MICAL2: variants seen among roughly 807,000 people sequenced by gnomAD.
MICAL2 encodes microtubule associated monooxygenase, calponin and LIM domain containing 2.
In MICAL2, 77 loss-of-function variants were observed where a neutral mutation model predicts 127.3. The ratio of observed to expected loss-of-function variants is 0.60; its 90% CI spans 0.50 to 0.73. The LOEUF (loss-of-function observed/expected upper bound fraction) is 0.73. MICAL2 is among the 30% of genes least tolerant of loss of function. The probability of loss-of-function intolerance (pLI) is 0.00; values close to 1 mark genes in which losing one functional copy is unlikely to be tolerated. For synonymous variants in MICAL2, 570 were observed against 551.1 expected (o/e 1.03, Z -0.48); for missense variants, 1,351 against 1,434.4 (o/e 0.94, Z 0.94).
At chr11:12,244,497 C>A (rs1306080111) in intron 21 of MICAL2, among the ~76,000 whole-genome samples, 2 of 152,198 alleles carry the variant, frequency 1.3e-5, no homozygotes, top group Admixed American at 1.3e-4. Context: ...TCACATACTG[C>A]TGATATTTGC....
At chr11:12,321,209 T>C (rs1394437799) in intron 30 of MICAL2, among the ~76,000 whole-genome samples, 1 of 152,116 alleles carries the variant, frequency 6.6e-6, no homozygotes, top group Non-Finnish European at 1.5e-5. Flanking sequence ...GCATGCCCGC[T>C]TCACCTGGCT....
chr11:12,338,333 T>C (rs1385641785), intron 32 of MICAL2, among the ~76,000 whole-genome samples: 1 of 152,224 alleles, frequency 6.6e-6, no homozygotes, highest in East Asian at 1.9e-4. Context: ...CCCTTTATTT[T>C]GAGCCTATGT....
At chr11:12,209,733 C>T in intron 6 of MICAL2, 135 bp downstream of exon 6, 4 of 742,954 alleles carry the variant, frequency 5.4e-6, no homozygotes, top group Admixed American at 4.2e-5. Context: ...GCAGACCATC[C>T]TGTCCCTCTT....
At chr11:12,265,934 G>A (rs767718308), downstream of MICAL2, among the ~76,000 whole-genome samples, 3 of 151,978 alleles carry the variant, frequency 2.0e-5, no homozygotes, top group Non-Finnish European at 4.4e-5. Flanking sequence ...TGACCAACAC[G>A]ACAAAACCCT....
At chr11:12,328,567 C>A (rs1205665485) in intron 32 of MICAL2, among the ~76,000 whole-genome samples, 2 of 152,056 alleles carry the variant, frequency 1.3e-5, no homozygotes, top group Non-Finnish European at 2.9e-5. Context: ...CTTAAAGAAA[C>A]CTACATTTTC....
downstream of MICAL2, among the ~76,000 whole-genome samples, chr11:12,295,273 G>A (rs937396773): frequency 6.6e-6 from 1 of 151,610 alleles, no homozygotes; most frequent in Non-Finnish European, 1.5e-5. Flanking sequence ...CCAAGTAGCT[G>A]GGATTACAGA....
intron 29 of MICAL2, among the ~76,000 whole-genome samples, chr11:12,304,837 T>C (rs769513059): frequency 6.6e-6 from 1 of 152,228 alleles, no homozygotes; most frequent in Non-Finnish European, 1.5e-5. Flanking sequence ...TGTGGTTTTA[T>C]AATAAATCGT....
chr11:12,185,972 G>A (rs925592677), intron 3 of MICAL2, among the ~76,000 whole-genome samples: 3 of 152,252 alleles, frequency 2.0e-5, no homozygotes, highest in Admixed American at 6.5e-5. Context: ...CAGCAAAGGA[G>A]TCATGGAACT....
intron 2 of MICAL2, among the ~76,000 whole-genome samples, chr11:12,154,297 A>C (rs1278212987): frequency 6.6e-6 from 1 of 152,160 alleles, no homozygotes; most frequent in African/African-American, 2.4e-5. Flanking sequence ...GTAGCCACAC[A>C]AGGGCCCAGG....
At chr11:12,236,905 G>T (rs954107629) in intron 16 of MICAL2, among the ~76,000 whole-genome samples, 2 of 152,204 alleles carry the variant, frequency 1.3e-5, no homozygotes, top group Admixed American at 1.3e-4. Context: ...CGAAGTGTGG[G>T]ATGCCAGCTT....
chr11:12,353,471 C>T (rs1939084992), intron 33 of MICAL2, among the ~76,000 whole-genome samples: 1 of 151,000 alleles, frequency 6.6e-6, no homozygotes, highest in African/African-American at 2.5e-5. Flanking sequence ...GTTTCTTTAT[C>T]TATAGCCTTC....
At chr11:12,318,755 G>T (rs1242738641) in intron 29 of MICAL2, among the ~76,000 whole-genome samples, 6 of 152,194 alleles carry the variant, frequency 3.9e-5, no homozygotes, top group Admixed American at 2.6e-4. Context: ...GCATCATGTT[G>T]ATGTGTAGGG....
chr11:12,302,913 C>G (rs7117872), intron 29 of MICAL2, among the ~76,000 whole-genome samples: 138,439 of 152,252 alleles, frequency 0.91, 63,101 homozygotes, highest in East Asian at 0.95. Flanking sequence ...CCTGAGACTG[C>G]ATAATTTATA....
intron 15 of MICAL2, 114 bp downstream of exon 15, chr11:12,227,245 G>T (rs572978114): frequency 2.8e-6 from 2 of 726,780 alleles, no homozygotes; most frequent in African/African-American, 1.8e-5. Context: ...TGGATCAGGC[G>T]CTCCCGGAAG....
chr11:12,254,128 G>A (rs929931809), intron 22 of MICAL2: 4 of 152,186 alleles, frequency 2.6e-5, no homozygotes, highest in African/African-American at 7.2e-5. Context: ...ACTCAGAAAG[G>A]TACAAAGGTC....
downstream of MICAL2, chr11:12,293,508 A>G: frequency 6.5e-7 from 1 of 1,527,528 alleles, no homozygotes; most frequent in Non-Finnish European, 8.8e-7. Context: ...TTCATCATAT[A>G]AATAAATGAT....
chr11:12,221,673 C>T lies in MICAL2; in HGVS notation c.1236C>T (p.Ala412=). 6.2e-7 allele frequency: 1 copy of T among 1,613,770 alleles called. No homozygotes were observed. Among genetic ancestry groups the T allele is most frequent in the Non-Finnish European group, 8.5e-7 (1 of 1,179,816 alleles). ...TTTGGCCCATGGGTACAGGCTGTGC[C>T]CGTGGCTTCCTGGCAGCCTTTGACA... ...EPFWPMGTGC[A]RGFLAAFDTA... is the part of the protein sequence containing the mutation. Residue 412 remains alanine, a synonymous_variant, in exon 10 of 28, where the codon GCC becomes GCT. Coordinates refer to ENST00000683283, the MANE Select transcript of MICAL2 (RefSeq NM_001282663.2).
chr11:12,194,084 C>T (rs1443542710), intron 3 of MICAL2, among the ~76,000 whole-genome samples: 11 of 152,198 alleles, frequency 7.2e-5, no homozygotes, highest in Admixed American at 2.6e-4. Flanking sequence ...AAGTGGCCCC[C>T]GGCCATGGCA....
At chr11:12,130,483 C>T (rs1328063226) in intron 1 of MICAL2, among the ~76,000 whole-genome samples, 1 of 152,198 alleles carries the variant, frequency 6.6e-6, no homozygotes. Context: ...AAACCCAGGG[C>T]TCAAAGTCAG....
Sources: allele counts gnomAD v4.1 joint callset (sites outside exome capture counted in the v4.1 genomes callset), GRCh38; gene constraint gnomAD v4.1.1; transcripts MANE v1.5; gene names NCBI Gene and HGNC (gene_info 2026-07-23, HGNC 2026-07-21).